ERBB4: variants seen among roughly 807,000 people sequenced by gnomAD.
The protein encoded by ERBB4 is receptor tyrosine-protein kinase erbB-4.
ERBB4 carries 42 observed loss-of-function variants against 158.0 expected under a neutral mutation model. The ratio of observed to expected loss-of-function variants is 0.27; its 90% CI spans 0.21 to 0.34. The LOEUF is 0.34. Ranked by LOEUF, ERBB4 falls within the 10% of genes least tolerant of loss-of-function variation. ERBB4 has a pLI of 1.00. For synonymous variants in ERBB4, 583 were observed against 558.7 expected (o/e 1.04, Z -0.61); for missense variants, 1,333 against 1,624.1 (o/e 0.82, Z 3.08).
At chr2:211,856,437 G>A (rs1343155932) in intron 3 of ERBB4, among the ~76,000 whole-genome samples, 2 of 151,382 alleles carry the variant, frequency 1.3e-5, no homozygotes, top group African/African-American at 2.4e-5. Context: ...CCAGGCTGGA[G>A]TGCAGTGGCA....
At chr2:211,457,685 T>C (rs1490097133) in intron 20 of ERBB4, among the ~76,000 whole-genome samples, 3 of 152,168 alleles carry the variant, frequency 2.0e-5, no homozygotes, top group Non-Finnish European at 2.9e-5. Flanking sequence ...AGGTTAAGGA[T>C]AAACTGACAA....
intron 2 of ERBB4, among the ~76,000 whole-genome samples, chr2:211,979,963 T>C (rs2081742664): frequency 6.6e-6 from 1 of 152,218 alleles, no homozygotes; most frequent in Non-Finnish European, 1.5e-5. Context: ...TTTTGCAATT[T>C]TCTTTAATAT....
chr2:212,286,607 T>TGTTTTGTTTTG (rs1251531378), intron 1 of ERBB4, among the ~76,000 whole-genome samples: 1 of 126,018 alleles, frequency 7.9e-6, no homozygotes, highest in Admixed American at 8.1e-5. Context: ...TTTTTTTTTT[T>TGTTTTGTTTTG]TTTTTTTTTT....
At chr2:211,630,635 A>G (rs772567987) in intron 16 of ERBB4, 41 bp from the exon 17 acceptor site, 2 of 1,551,154 alleles carry the variant, frequency 1.3e-6, no homozygotes, top group East Asian at 4.5e-5. Context: ...AAAAGTATGA[A>G]GAGAGAGAAG....
chr2:211,780,104 G>C (rs1165876669), intron 4 of ERBB4, among the ~76,000 whole-genome samples: 2 of 152,206 alleles, frequency 1.3e-5, no homozygotes, highest in Non-Finnish European at 2.9e-5. Flanking sequence ...GCTCATGCCT[G>C]TAATCTTAGC....
At chr2:211,610,907 G>C (rs10177258) in intron 19 of ERBB4, among the ~76,000 whole-genome samples, 116,121 of 152,038 alleles carry the variant, frequency 0.76, 47,177 homozygotes, top group Non-Finnish European at 0.9. Flanking sequence ...TGAGGCTTAC[G>C]GAGAGCAACC....
intron 2 of ERBB4, among the ~76,000 whole-genome samples, chr2:211,987,485 C>G (rs530851578): frequency 1.3e-5 from 2 of 149,634 alleles, no homozygotes; most frequent in Non-Finnish European, 3.0e-5. Flanking sequence ...TCAGGTTAAA[C>G]GAATCTTAAA....
chr2:212,050,331 A>T (rs2077367446), intron 2 of ERBB4, among the ~76,000 whole-genome samples: 1 of 152,198 alleles, frequency 6.6e-6, no homozygotes, highest in Non-Finnish European at 1.5e-5. Context: ...TAATGCACAT[A>T]TCTAATGCAG....
chr2:211,985,207 G>T (rs1316938150), intron 2 of ERBB4, among the ~76,000 whole-genome samples: 4 of 152,040 alleles, frequency 2.6e-5, no homozygotes, highest in Admixed American at 1.3e-4. Flanking sequence ...AAAGTACCCA[G>T]ATTTGCACAC....
At chr2:211,717,519 A>G (rs79603481) in intron 7 of ERBB4, among the ~76,000 whole-genome samples, 4 of 152,158 alleles carry the variant, frequency 2.6e-5, no homozygotes, top group Admixed American at 2.0e-4. Context: ...TTGTGTTTTC[A>G]AAGCCTTTTT....
At chr2:212,113,298 G>T (rs1377485091) in intron 2 of ERBB4, among the ~76,000 whole-genome samples, 2 of 152,044 alleles carry the variant, frequency 1.3e-5, no homozygotes, top group Non-Finnish European at 2.9e-5. Flanking sequence ...GGGTATGGCC[G>T]GGTGCGGTGG....
At chr2:212,228,768 G>A (rs958702533) in intron 1 of ERBB4, among the ~76,000 whole-genome samples, 3 of 152,170 alleles carry the variant, frequency 2.0e-5, no homozygotes, top group Admixed American at 6.5e-5. Context: ...CAAACAAAAC[G>A]TCACATAATC....
intron 1 of ERBB4, among the ~76,000 whole-genome samples, chr2:212,533,287 A>T (rs899252970): frequency 6.6e-6 from 1 of 152,230 alleles, no homozygotes; most frequent in African/African-American, 2.4e-5. Flanking sequence ...TTACATCTAT[A>T]AAAACAATTT....
intron 2 of ERBB4, among the ~76,000 whole-genome samples, chr2:212,045,565 C>T (rs1260841291): frequency 6.6e-6 from 1 of 152,192 alleles, no homozygotes; most frequent in Non-Finnish European, 1.5e-5. Flanking sequence ...CCCATAAAAG[C>T]ATCGTCAGAA....
At chr2:211,684,969 C>T (rs1429319520) in intron 12 of ERBB4, among the ~76,000 whole-genome samples, 1 of 152,308 alleles carries the variant, frequency 6.6e-6, no homozygotes, top group Non-Finnish European at 1.5e-5. Context: ...TTCTCTGCTG[C>T]AAACCCTGCT....
chr2:212,410,659 A>C (rs1166207933), intron 1 of ERBB4, among the ~76,000 whole-genome samples: 1 of 152,130 alleles, frequency 6.6e-6, no homozygotes, highest in African/African-American at 2.4e-5. Flanking sequence ...TTTTCAAATA[A>C]TAAAACAGTG....
intron 9 of ERBB4, among the ~76,000 whole-genome samples, chr2:211,706,616 C>A (rs9753175): frequency 0.031 from 4,303 of 140,772 alleles, 68 homozygotes; most frequent in Middle Eastern, 0.038. Context: ...AAAAAAAAAA[C>A]AAAAAAAACT....
intron 25 of ERBB4, among the ~76,000 whole-genome samples, chr2:211,402,667 A>G (rs373146196): frequency 1.3e-5 from 2 of 151,990 alleles, no homozygotes; most frequent in African/African-American, 4.8e-5. Context: ...ACAAGCAGCA[A>G]GCTCATCCTA....
At chr2:212,147,523 A>G (rs1193298979) in intron 1 of ERBB4, among the ~76,000 whole-genome samples, 1 of 152,076 alleles carries the variant, frequency 6.6e-6, no homozygotes, top group Non-Finnish European at 1.5e-5. Flanking sequence ...TTATATCCTA[A>G]AGCACACAGG....
Sources: allele counts gnomAD v4.1 joint callset (sites outside exome capture counted in the v4.1 genomes callset), GRCh38; gene constraint gnomAD v4.1.1; transcripts MANE v1.5; gene names NCBI Gene and HGNC (gene_info 2026-07-23, HGNC 2026-07-21).